ADAM20: variants seen among roughly 807,000 people sequenced by gnomAD.
ADAM20 encodes the protein disintegrin and metalloproteinase domain-containing protein 20.
For missense variants in ADAM20, 871 were observed against 883.2 expected, an observed-to-expected ratio of 0.99 and a Z score of 0.18; for synonymous variants, 305 against 310.2, an observed-to-expected ratio of 0.98 and a Z score of 0.18.
intron 1 of ADAM20, among the ~76,000 whole-genome samples, chr14:70,529,883 T>C (rs1883673133): frequency 6.6e-6 from 1 of 152,198 alleles, no homozygotes; most frequent in South Asian, 2.1e-4. Flanking sequence ...TAAACTTAGC[T>C]TACTATAACT....
the ADAM20 span, among the ~76,000 whole-genome samples, chr14:70,573,824 A>G: frequency 6.6e-6 from 1 of 152,248 alleles, no homozygotes; most frequent in South Asian, 2.1e-4. Context: ...AGGTCAACTC[A>G]TTAGGAAGAC....
the ADAM20 span, among the ~76,000 whole-genome samples, chr14:70,568,136 G>C: frequency 1.4e-5 from 2 of 141,698 alleles, no homozygotes; most frequent in Non-Finnish European, 3.0e-5. Context: ...GCTAGTCTGA[G>C]ATAAGTTTCC....
chr14:70,564,398 G>A, the ADAM20 span, among the ~76,000 whole-genome samples: 1 of 152,182 alleles, frequency 6.6e-6, no homozygotes, highest in African/African-American at 2.4e-5. Flanking sequence ...CCAGGAACAA[G>A]AGACGAAGGG....
intron 1 of ADAM20, among the ~76,000 whole-genome samples, chr14:70,533,828 A>G (rs1206318006): frequency 6.6e-6 from 1 of 151,708 alleles, no homozygotes; most frequent in South Asian, 2.1e-4. Context: ...CATGCCTGTA[A>G]TCCCAGCACT....
the ADAM20 span, among the ~76,000 whole-genome samples, chr14:70,561,235 T>C: frequency 6.6e-6 from 1 of 152,242 alleles, no homozygotes; most frequent in Non-Finnish European, 1.5e-5. Flanking sequence ...CCTAGAAATC[T>C]ATGTAACTTT....
chr14:70,574,675 CAAAT>C, the ADAM20 span, among the ~76,000 whole-genome samples: 1 of 151,742 alleles, frequency 6.6e-6, no homozygotes, highest in Non-Finnish European at 1.5e-5. Flanking sequence ...AGAAAGATCT[CAAAT>C]AAACAAGCTA....
At chr14:70,561,610 G>A in the ADAM20 span, among the ~76,000 whole-genome samples, 1 of 152,262 alleles carries the variant, frequency 6.6e-6, no homozygotes, top group Non-Finnish European at 1.5e-5. Context: ...TAGGAGAGAA[G>A]AATGGTTTTC....
rs759941193 is a variant in ADAM20, at chr14:70,524,773, A to C, written c.-16T>G. Reference sequence around the variant, plus strand: ...CCACTGCCATTATGAAGCTGTCATTATGGAGCCATCTGTCTAGAGCAGAAG... The same window carrying C: ...CCACTGCCATTATGAAGCTGTCATTCTGGAGCCATCTGTCTAGAGCAGAAG... On this transcript the variant is annotated 5_prime_UTR_variant, in exon 2 of 2. It removes the in-frame stop codon of an upstream open reading frame in the 5' UTR. Transcript: ENST00000256389. 6.2e-7 allele frequency: 1 copy of C among 1,613,874 alleles called. No individual in the cohort carries two copies. The highest frequency in any genetic ancestry group is 1.1e-5 in the South Asian group (1 of 91,078).
chr14:70,537,296 C>T (rs1438114190), upstream of ADAM20, among the ~76,000 whole-genome samples: 1 of 152,230 alleles, frequency 6.6e-6, no homozygotes, highest in African/African-American at 2.4e-5. Flanking sequence ...CCTCAGGTCT[C>T]AGGAATCCAC....
At position 70,524,340 on chromosome 14, in the gene ADAM20, C is replaced by A; in HGVS notation, c.418G>T (p.Asp140Tyr). 6.2e-7 allele frequency: 1 copy of A among 1,613,946 alleles called. No homozygotes were observed. Among genetic ancestry groups the A allele is most frequent in the Non-Finnish European group, 8.5e-7 (1 of 1,179,936 alleles). Residue 140 changes from aspartate to tyrosine, a missense_variant, in exon 2 of 2, where the codon GAC becomes TAC. Physicochemically the swap from Asp to Tyr is radical, Grantham distance 160. Transcript: ENST00000256389. ...GGFLGMLQIN[D>Y]LVYEIKPISV... ...ATTGGCTTGATTTCATAAACAAGGTCATTTATCTGTAGCATTCCAAGAAAG... is the reference window on the plus strand; with the variant it reads ...ATTGGCTTGATTTCATAAACAAGGTAATTTATCTGTAGCATTCCAAGAAAG...
At chr14:70,575,407 G>C in the ADAM20 span, among the ~76,000 whole-genome samples, 14 of 151,936 alleles carry the variant, frequency 9.2e-5, no homozygotes, top group African/African-American at 2.9e-4. Context: ...TTTGAGACCA[G>C]CCTGGCCAAT....
the ADAM20 span, among the ~76,000 whole-genome samples, chr14:70,540,916 C>A: frequency 2.0e-5 from 3 of 152,336 alleles, no homozygotes; most frequent in East Asian, 5.8e-4. Context: ...CCTCAACCTC[C>A]TGAGTAGCTG....
At chr14:70,560,625 AT>A in the ADAM20 span, among the ~76,000 whole-genome samples, 1 of 152,066 alleles carries the variant, frequency 6.6e-6, no homozygotes, top group Non-Finnish European at 1.5e-5. Context: ...GTGGGAGATG[AT>A]TGGATCATGG....
chr14:70,536,944 C>CAAA (rs577264085), upstream of ADAM20, among the ~76,000 whole-genome samples: 2,981 of 125,292 alleles, frequency 0.024, 107 homozygotes, highest in African/African-American at 0.069. Context: ...CACTCCTAAC[C>CAAA]AAAAAAAAAA....
At chr14:70,570,609 T>C in the ADAM20 span, among the ~76,000 whole-genome samples, 2 of 152,022 alleles carry the variant, frequency 1.3e-5, no homozygotes, top group Admixed American at 6.6e-5. Context: ...ATGAGTTAGA[T>C]AATTAAATCG....
At chr14:70,563,656 G>T in the ADAM20 span, among the ~76,000 whole-genome samples, 13 of 152,200 alleles carry the variant, frequency 8.5e-5, no homozygotes, top group Middle Eastern at 3.4e-3. Flanking sequence ...TGGTATCCTT[G>T]TAATAGTGAG....
upstream of ADAM20, among the ~76,000 whole-genome samples, chr14:70,537,994 C>A (rs1370552165): frequency 1.3e-5 from 2 of 152,094 alleles, no homozygotes; most frequent in African/African-American, 2.4e-5. Flanking sequence ...AATGAAAACC[C>A]TCCCTGGGTC....
At chr14:70,540,506 A>G in the ADAM20 span, among the ~76,000 whole-genome samples, 1 of 152,216 alleles carries the variant, frequency 6.6e-6, no homozygotes, top group Non-Finnish European at 1.5e-5. Context: ...TTATCGATCA[A>G]GCAATTTTAT....
chr14:70,561,184 G>A, the ADAM20 span, among the ~76,000 whole-genome samples: 1 of 152,216 alleles, frequency 6.6e-6, no homozygotes, highest in Non-Finnish European at 1.5e-5. Flanking sequence ...GGTCACTCTT[G>A]CTATGCTTTA....
Sources: gnomAD v4.1 joint callset for allele counts (sites outside exome capture counted in the v4.1 genomes callset) on GRCh38, gnomAD v4.1.1 for gene constraint, MANE v1.5 for transcripts, NCBI Gene and HGNC (gene_info 2026-07-23, HGNC 2026-07-21) for gene names.